GFPT1: variants seen among roughly 807,000 people sequenced by gnomAD.
GFPT1 encodes glutamine--fructose-6-phosphate aminotransferase [isomerizing] 1.
A neutral mutation model predicts 92.0 loss-of-function variants in GFPT1; 40 were observed. That is an observed-to-expected ratio of 0.43 (90% CI 0.34 to 0.57). The LOEUF is 0.57. Among genes scored for constraint, GFPT1 ranks in the 20% least tolerant of loss-of-function variants. The pLI is 0.02. For missense variants in GFPT1, 448 were observed against 869.1 expected (o/e 0.52, Z 6.09); for synonymous variants, 269 against 280.6 (o/e 0.96, Z 0.41).
chr2:69,345,829 T>G, intron 12 of GFPT1, 75 bp downstream of exon 12: 3 of 854,056 alleles, frequency 3.5e-6, no homozygotes, highest in Non-Finnish European at 6.1e-6. Context: ...TTAAGGGCAA[T>G]GAACTTTCAG....
intron 3 of GFPT1, among the ~76,000 whole-genome samples, chr2:69,367,904 T>C (rs1671649300): frequency 6.6e-6 from 1 of 152,216 alleles, no homozygotes; most frequent in Admixed American, 6.5e-5. Flanking sequence ...TTTCCATTTG[T>C]AGATAATAAA....
At chr2:69,358,507 A>C in intron 5 of GFPT1, 44 bp from the exon 6 acceptor site, 1 of 1,360,204 alleles carries the variant, frequency 7.4e-7, no homozygotes, top group South Asian at 1.2e-5. Flanking sequence ...AGAAATATTA[A>C]TGATAAAAAA....
chr2:69,363,975 C>T (rs1671545276), intron 3 of GFPT1, among the ~76,000 whole-genome samples: 1 of 152,074 alleles, frequency 6.6e-6, no homozygotes, highest in Admixed American at 6.5e-5. Context: ...ATTGGCCAGG[C>T]ATGGTGGCAC....
intron 15 of GFPT1, among the ~76,000 whole-genome samples, chr2:69,336,199 C>T (rs761975589): frequency 6.6e-5 from 10 of 151,528 alleles, no homozygotes; most frequent in Non-Finnish European, 1.3e-4. Flanking sequence ...ATTAGCCAGG[C>T]GTGGTGGCAG....
chr2:69,351,992 T>G (rs1671216913), intron 9 of GFPT1, among the ~76,000 whole-genome samples: 1 of 152,210 alleles, frequency 6.6e-6, no homozygotes, highest in Non-Finnish European at 1.5e-5. Flanking sequence ...CCAGGCACAG[T>G]GGCTCATGCT....
intron 3 of GFPT1, among the ~76,000 whole-genome samples, chr2:69,366,740 T>A (rs1477409823): frequency 6.6e-6 from 1 of 152,228 alleles, no homozygotes; most frequent in Non-Finnish European, 1.5e-5. Context: ...CATCTTTGAT[T>A]CCTAAAGTAC....
At chr2:69,326,804 T>C (rs184659023) in intron 19 of GFPT1, 110 bp downstream of exon 19, 62 of 1,027,440 alleles carry the variant, frequency 6.0e-5, no homozygotes, top group Admixed American at 9.0e-5. Context: ...GTGACAGATA[T>C]ATATTTGATA....
intron 18 of GFPT1, among the ~76,000 whole-genome samples, chr2:69,327,829 G>A (rs112723617): frequency 4.6e-5 from 7 of 151,960 alleles, no homozygotes; most frequent in African/African-American, 1.7e-4. Context: ...TGGGCCAGGC[G>A]GGGTGGCTCA....
intron 15 of GFPT1, among the ~76,000 whole-genome samples, chr2:69,331,708 AAT>A (rs1184750370): frequency 6.6e-6 from 1 of 151,170 alleles, no homozygotes; most frequent in Non-Finnish European, 1.5e-5. Context: ...GAGACAGAGT[AAT>A]ATATTTCTGA....
intron 15 of GFPT1, among the ~76,000 whole-genome samples, chr2:69,335,188 A>G (rs1670765527): frequency 6.6e-6 from 1 of 151,846 alleles, no homozygotes; most frequent in Admixed American, 6.6e-5. Context: ...TGTATTTTTT[A>G]TAGAGATAAG....
At chr2:69,362,260 C>A (rs1671493500) in intron 4 of GFPT1, among the ~76,000 whole-genome samples, 1 of 152,038 alleles carries the variant, frequency 6.6e-6, no homozygotes, top group Non-Finnish European at 1.5e-5. Context: ...TCCTGAGTAG[C>A]TGGGACTATG....
At chr2:69,377,207 CAAA>C (rs59023245) in intron 1 of GFPT1, among the ~76,000 whole-genome samples, 3 of 84,412 alleles carry the variant, frequency 3.6e-5, no homozygotes, top group Non-Finnish European at 2.2e-5. Context: ...GACTCCGTCT[CAAA>C]AAAAAAAAAA....
At chr2:69,349,503 C>G (rs369898156) in intron 10 of GFPT1, among the ~76,000 whole-genome samples, 8 of 152,218 alleles carry the variant, frequency 5.3e-5, no homozygotes, top group African/African-American at 1.9e-4. Flanking sequence ...TTTTCAGGTA[C>G]AGTGGATGAC....
intron 9 of GFPT1, among the ~76,000 whole-genome samples, chr2:69,351,109 C>A (rs944868615): frequency 6.6e-6 from 1 of 152,126 alleles, no homozygotes; most frequent in African/African-American, 2.4e-5. Flanking sequence ...CTGTTAGAGA[C>A]AAAATTTATA....
intron 15 of GFPT1, among the ~76,000 whole-genome samples, chr2:69,333,713 G>C (rs1574046280): frequency 6.6e-6 from 1 of 152,262 alleles, no homozygotes; most frequent in East Asian, 1.9e-4. Context: ...AATTCCTCCA[G>C]TAGTATCAAC....
intron 14 of GFPT1, 102 bp downstream of exon 14, chr2:69,338,343 T>C (rs1432753758): frequency 1.0e-6 from 1 of 974,570 alleles, no homozygotes; most frequent in Non-Finnish European, 1.6e-6. Context: ...TCAAGTCATC[T>C]GCAATGCCAG....
intron 4 of GFPT1, among the ~76,000 whole-genome samples, chr2:69,362,188 G>C (rs1477893841): frequency 6.6e-6 from 1 of 152,160 alleles, no homozygotes; most frequent in Non-Finnish European, 1.5e-5. Flanking sequence ...GAAGTGCAAT[G>C]GGGCAATCAT....
At chr2:69,345,795 A>G (rs2104630832) in intron 12 of GFPT1, 109 bp downstream of exon 12, 1 of 718,396 alleles carries the variant, frequency 1.4e-6, no homozygotes, top group East Asian at 2.6e-5. Flanking sequence ...GATGGCTGGC[A>G]GCTGTAGTTG....
chr2:69,333,948 G>C (rs775491099), intron 15 of GFPT1, among the ~76,000 whole-genome samples: 1 of 152,186 alleles, frequency 6.6e-6, no homozygotes, highest in African/African-American at 2.4e-5. Flanking sequence ...ACGTGGTCAG[G>C]AGTTCGAGAC....
Sources: allele counts gnomAD v4.1 joint callset (sites outside exome capture counted in the v4.1 genomes callset), GRCh38; gene constraint gnomAD v4.1.1; transcripts MANE v1.5; gene names NCBI Gene and HGNC (gene_info 2026-07-23, HGNC 2026-07-21).